NSF: variants seen among roughly 807,000 people sequenced by gnomAD.
The protein encoded by NSF is N-ethylmaleimide sensitive factor, vesicle fusing ATPase.
In NSF, 14 loss-of-function variants were observed where a neutral mutation model predicts 50.3. The ratio of observed to expected loss-of-function variants is 0.28; its 90% CI spans 0.18 to 0.44. NSF has a LOEUF of 0.44. NSF is among the 20% of genes least tolerant of loss of function. The pLI, the probability that NSF is intolerant of heterozygous loss-of-function variation, is 1.00. For synonymous variants in NSF, 109 were observed against 175.7 expected (o/e 0.62, Z 3.00); for missense variants, 218 against 504.3 (o/e 0.43, Z 5.44).
chr17:46,596,065 ATCT>A (rs894689288), intron 1 of NSF, among the ~76,000 whole-genome samples: 1 of 65,308 alleles, frequency 1.5e-5, no homozygotes, highest in African/African-American at 9.8e-5. Context: ...CATGTATGAC[ATCT>A]TCTTTATCCA....
intron 15 of NSF, among the ~76,000 whole-genome samples, chr17:46,721,063 G>A (rs2058825778): frequency 6.6e-6 from 1 of 152,162 alleles, no homozygotes; most frequent in African/African-American, 2.4e-5. Flanking sequence ...CCGTGTCCTT[G>A]AGCACCACAT....
chr17:46,716,970 G>A lies in NSF; in HGVS notation c.1761+2984G>A, dbSNP rs184421812. The stretch of plus-strand genomic sequence containing the variant: ...TCTAATATCTGAACAATCCCTTTTT[G>A]TTGGACAATTAGGTTGTTTCCAGGT... On this transcript the variant is annotated intron_variant, in intron 15 of 20. Transcript: ENST00000398238. Among the ~76,000 whole-genome samples, 92 of 151,966 alleles carry A rather than the reference G, an allele frequency of 6.1e-4. No homozygotes were observed. In the East Asian group the frequency reaches 0.012, roughly 20 times the overall value.
At chr17:46,729,067 G>A (rs566313333) in intron 17 of NSF, 133 bp downstream of exon 17, 47 of 570,440 alleles carry the variant, frequency 8.2e-5, no homozygotes, top group Admixed American at 5.2e-4. Context: ...TTGAAAGGTC[G>A]TCCAGTCTTG....
intron 17 of NSF, among the ~76,000 whole-genome samples, chr17:46,745,930 T>C (rs953219556): frequency 2.0e-5 from 3 of 152,210 alleles, no homozygotes; most frequent in African/African-American, 7.2e-5. Flanking sequence ...GGTATTTCTG[T>C]TCCTCTGGCT....
intron 15 of NSF, chr17:46,722,291 C>A (rs1481554545): frequency 2.2e-5 from 17 of 790,160 alleles, no homozygotes; most frequent in Non-Finnish European, 3.7e-5. Flanking sequence ...ACGGTTCTTA[C>A]CTTCTTACCT....
chr17:46,718,460 T>TTA (rs1291668850), intron 15 of NSF, among the ~76,000 whole-genome samples: 1 of 152,258 alleles, frequency 6.6e-6, no homozygotes, highest in Non-Finnish European at 1.5e-5. Context: ...GTTACATGTT[T>TTA]TATACTTGTA....
chr17:46,715,325 G>A (rs2058757841), intron 15 of NSF, among the ~76,000 whole-genome samples: 1 of 152,180 alleles, frequency 6.6e-6, no homozygotes, highest in Non-Finnish European at 1.5e-5. Flanking sequence ...CCTAGAGTAG[G>A]TAGGGCTGTT....
intron 15 of NSF, among the ~76,000 whole-genome samples, chr17:46,720,586 G>C (rs1206307489): frequency 6.6e-6 from 1 of 152,158 alleles, no homozygotes; most frequent in Non-Finnish European, 1.5e-5. Flanking sequence ...TTAGAAACGA[G>C]ATTATTACTG....
chr17:46,755,697 G>A (rs2059226155), intron 20 of NSF, 105 bp from the exon 21 acceptor site: 8 of 1,264,320 alleles, frequency 6.3e-6, no homozygotes, highest in Non-Finnish European at 8.7e-6. Context: ...GGAAATGTAG[G>A]ATAACCATTA....
chr17:46,714,008 T>C, intron 15 of NSF, 22 bp downstream of exon 15: 1 of 1,595,324 alleles, frequency 6.3e-7, no homozygotes, highest in South Asian at 1.1e-5. Flanking sequence ...TTACTTTCAT[T>C]TTAATTTCCT....
At chr17:46,744,621 G>GA (rs111404933) in intron 17 of NSF, among the ~76,000 whole-genome samples, 22,493 of 147,614 alleles carry the variant, frequency 0.15, 1,940 homozygotes, top group Non-Finnish European at 0.21. Context: ...TTTATTTAGG[G>GA]AAAAAAAAAA....
At chr17:46,714,424 A>G (rs1477882950) in intron 15 of NSF, among the ~76,000 whole-genome samples, 1 of 152,222 alleles carries the variant, frequency 6.6e-6, no homozygotes. Context: ...ACAAAAGGAT[A>G]GTTTTATATT....
intron 15 of NSF, 144 bp from the exon 16 acceptor site, chr17:46,726,405 G>C: frequency 2.7e-6 from 2 of 751,548 alleles, no homozygotes; most frequent in Non-Finnish European, 4.6e-6. Flanking sequence ...GTGATCCAGT[G>C]TGTCAATTCT....
At position 46,757,127 on chromosome 17, in the gene NSF, T is replaced by C. The variant is rs1254236512; in HGVS notation, c.*1304T>C. ...GTGGCTCCTCTGTTATTTGTCCTCA[T>C]GTGAGAAAGCAGATCATCTCCAAAT... On this transcript the variant is annotated 3_prime_UTR_variant, in exon 21 of 21. Coordinates refer to ENST00000398238, the MANE Select transcript of NSF (RefSeq NM_006178.4). 1 of 152,230 alleles carries C rather than the reference T, an allele frequency of 6.6e-6. No individual in the cohort carries two copies. The highest frequency in any genetic ancestry group is 1.5e-5 in the Non-Finnish European group (1 of 68,036). The allele number at this position is 152,230 out of a possible 1,614,324, so 9.4% of individuals were successfully genotyped here.
At chr17:46,752,360 C>A (rs2059189530) in intron 19 of NSF, among the ~76,000 whole-genome samples, 1 of 152,216 alleles carries the variant, frequency 6.6e-6, no homozygotes, top group Non-Finnish European at 1.5e-5. Context: ...ACCTCCCTAT[C>A]AAGCCCTATG....
intron 9 of NSF, among the ~76,000 whole-genome samples, chr17:46,685,495 A>C (rs1367991544): frequency 1.3e-5 from 2 of 152,020 alleles, no homozygotes; most frequent in Non-Finnish European, 2.9e-5. Context: ...ATATAGGTCA[A>C]ACTAGTTAAA....
chr17:46,735,224 G>C (rs2058989213), intron 17 of NSF, among the ~76,000 whole-genome samples: 2 of 152,204 alleles, frequency 1.3e-5, no homozygotes, highest in East Asian at 3.9e-4. Flanking sequence ...GCCATTTTCT[G>C]ATAACTCAAA....
intron 15 of NSF, among the ~76,000 whole-genome samples, chr17:46,724,536 G>A (rs961465617): frequency 3.3e-5 from 5 of 152,088 alleles, no homozygotes; most frequent in African/African-American, 1.2e-4. Context: ...ATTAACCAAA[G>A]CAAGCCCCAT....
At chr17:46,728,995 A>G (rs1410721424) in intron 17 of NSF, 61 bp downstream of exon 17, 5 of 1,018,884 alleles carry the variant, frequency 4.9e-6, no homozygotes, top group African/African-American at 3.3e-5. Context: ...AATCGCATAT[A>G]ATGATACAAT....
Sources: gnomAD v4.1 joint callset for allele counts (sites outside exome capture counted in the v4.1 genomes callset) on GRCh38, gnomAD v4.1.1 for gene constraint, MANE v1.5 for transcripts, NCBI Gene and HGNC (gene_info 2026-07-23, HGNC 2026-07-21) for gene names.